The following PARN variants were observed in gnomAD, a reference collection of about 807,000 sequenced individuals.
The protein encoded by PARN is poly(A)-specific ribonuclease.
PARN carries 71 observed loss-of-function variants against 102.8 expected under a neutral mutation model. The observed-to-expected ratio is 0.69, with a 90% CI of 0.57 to 0.84. The LOEUF is 0.84. Ranked by LOEUF, PARN falls within the 40% of genes least tolerant of loss-of-function variation. PARN has a pLI of 0.00. For missense variants in PARN, 782 were observed against 760.9 expected (o/e 1.03, Z -0.33); for synonymous variants, 261 against 252.9 (o/e 1.03, Z -0.30).
chr16:14,546,247 A>G (rs918239379), intron 21 of PARN, among the ~76,000 whole-genome samples: 2 of 152,232 alleles, frequency 1.3e-5, no homozygotes, highest in Non-Finnish European at 2.9e-5. Flanking sequence ...TGTCTCTACA[A>G]TTCTAATATT....
Position 14,436,442 on chromosome 16 carries a change from C to T in PARN, c.*275G>A. The T allele has an allele frequency of 2.0e-6, 1 of 501,708 alleles. No homozygotes were observed. Among genetic ancestry groups the T allele is most frequent in the East Asian group, 3.3e-5 (1 of 30,546 alleles). 31.1% of individuals were successfully genotyped at this position (501,708 alleles called of 1,614,324 possible). ...CTGGGTCATGACAGGAAAGGCCTCACAAGAGCAACACGGAATTCACTGGTT... is the reference window on the plus strand; with the variant it reads ...CTGGGTCATGACAGGAAAGGCCTCATAAGAGCAACACGGAATTCACTGGTT... On this transcript the variant is annotated 3_prime_UTR_variant, in exon 24 of 24. Coordinates refer to ENST00000437198, the MANE Select transcript of PARN (RefSeq NM_002582.4).
At chr16:14,625,253 T>C (rs1029009732) in intron 5 of PARN, among the ~76,000 whole-genome samples, 1 of 151,346 alleles carries the variant, frequency 6.6e-6, no homozygotes, top group African/African-American at 2.4e-5. Context: ...GGCTCAGCAC[T>C]TTGGGAGGCC....
chr16:14,626,658 C>A (rs911574135), intron 5 of PARN, among the ~76,000 whole-genome samples: 1 of 151,294 alleles, frequency 6.6e-6, no homozygotes, highest in African/African-American at 2.4e-5. Flanking sequence ...GTTGCCCAAG[C>A]TGGAGTGCAG....
rs1278828973 is a variant in PARN at position 14,604,151 on chromosome 16, C to T, written c.778G>A (p.Glu260Lys). ...AATTAACATAGCCCAATTACCTGTT[C>T]TTTGGCATGTTTCTGCTGCTCTCTT... ...KRREQQKHAK[E>K]QEELNDAVGF... Residue 260 changes from glutamate to lysine, a missense_variant, in exon 11 of 24, where the codon GAA (glutamate) becomes AAA (lysine). Physicochemically the swap from Glu to Lys is moderately conservative, Grantham distance 56. Transcript: ENST00000437198. The T allele has an allele frequency of 1.9e-6, 3 of 1,592,320 alleles. No homozygotes were observed. The African/African-American group carries it at 4.0e-5, about 21-fold the overall frequency.
chr16:14,543,314 C>T (rs914263724), intron 21 of PARN, among the ~76,000 whole-genome samples: 17 of 152,102 alleles, frequency 1.1e-4, no homozygotes, highest in Non-Finnish European at 1.3e-4. Context: ...ACAAGAAATA[C>T]TAAAGTAAAT....
At position 14,439,271 on chromosome 16, in the gene PARN, C is replaced by T. The variant is rs183721706; in HGVS notation, c.1865-2499G>A. Among the ~76,000 whole-genome samples, 71 of 151,180 alleles carry T rather than the reference C, an allele frequency of 4.7e-4. 1 individual carries two copies. The highest frequency in any genetic ancestry group is 4.1e-3 in the Admixed American group (62 of 15,142). On this transcript the variant is annotated intron_variant, in intron 23 of 23. Coordinates refer to ENST00000437198, the MANE Select transcript of PARN (RefSeq NM_002582.4). The stretch of plus-strand genomic sequence containing the variant: ...CCTGTGGTCCCAGCTACCTAGGAGG[C>T]TGAGGTGGGAGGATCACTTGAGCCC...
rs1316888043 is a variant in PARN at position 14,630,174 on chromosome 16, C to G, written c.-49G>C. 1 of 1,528,544 alleles carries G rather than the reference C, an allele frequency of 6.5e-7. No individual in the cohort carries two copies. The highest frequency in any genetic ancestry group is 1.2e-5 in the South Asian group (1 of 83,148). The allele number at this position is 1,528,544 out of a possible 1,614,324, so 94.7% of individuals were successfully genotyped here. ...GCCCCACCCGGGCCCGCGCCCGCCT[C>G]AGCGGTTCTACTCGCCGAATTCCGC... On this transcript the variant is annotated 5_prime_UTR_variant, in exon 1 of 24. Coordinates refer to ENST00000437198, the MANE Select transcript of PARN (RefSeq NM_002582.4).
chr16:14,553,678 C>A (rs1010812802), intron 20 of PARN, among the ~76,000 whole-genome samples: 10 of 152,188 alleles, frequency 6.6e-5, no homozygotes, highest in African/African-American at 2.2e-4. Context: ...CCTGATCTAC[C>A]CAAACATCTG....
intron 21 of PARN, among the ~76,000 whole-genome samples, chr16:14,547,465 G>A (rs1655447869): frequency 6.6e-6 from 1 of 152,132 alleles, no homozygotes; most frequent in African/African-American, 2.4e-5. Flanking sequence ...CAGCACTTTG[G>A]GAACCCAAGG....
chr16:14,589,338 G>A (rs1345507420), intron 13 of PARN, among the ~76,000 whole-genome samples: 1 of 151,998 alleles, frequency 6.6e-6, no homozygotes, highest in Non-Finnish European at 1.5e-5. Flanking sequence ...GAGGTGGGCA[G>A]ACTTCTCTTG....
intron 5 of PARN, among the ~76,000 whole-genome samples, chr16:14,621,236 C>T (rs1477012501): frequency 1.3e-5 from 2 of 152,134 alleles, no homozygotes; most frequent in African/African-American, 4.8e-5. Context: ...ACTCTGCCCA[C>T]CTAAACATTC....
intron 10 of PARN, 31 bp downstream of exon 10, chr16:14,606,453 A>C (rs368413354): frequency 1.5e-6 from 2 of 1,352,472 alleles, no homozygotes; most frequent in Non-Finnish European, 2.1e-6. Context: ...GGATGTGTTT[A>C]ATGTTAGCCC....
chr16:14,588,065 G>A lies in PARN; in HGVS notation c.919-1704C>T, dbSNP rs566038400. Among the ~76,000 whole-genome samples, 21 of 152,320 alleles carry A rather than the reference G, an allele frequency of 1.4e-4. 1 individual carries two copies. Among genetic ancestry groups the A allele is most frequent in the Middle Eastern group, 6.8e-3 (2 of 294 alleles). On this transcript the variant is annotated intron_variant, in intron 13 of 23. Coordinates refer to ENST00000437198, the MANE Select transcript of PARN (RefSeq NM_002582.4). ...TTTATGTAACATAGAGATGTACAATGTTCTGTGGGAGTTGAGAGAAAGGAA... is the reference window on the plus strand; with the variant it reads ...TTTATGTAACATAGAGATGTACAATATTCTGTGGGAGTTGAGAGAAAGGAA...
intron 23 of PARN, among the ~76,000 whole-genome samples, chr16:14,445,309 T>G (rs1961147635): frequency 6.6e-6 from 1 of 152,164 alleles, no homozygotes; most frequent in African/African-American, 2.4e-5. Flanking sequence ...TCTGATTTCA[T>G]TAATATCCAT....
At chr16:14,596,802 T>A (rs897747114) in intron 12 of PARN, among the ~76,000 whole-genome samples, 3 of 151,554 alleles carry the variant, frequency 2.0e-5, no homozygotes, top group Non-Finnish European at 4.4e-5. Context: ...TTTTTTTTTT[T>A]TCGAGACAGG....
intron 18 of PARN, 35 bp downstream of exon 18, chr16:14,580,839 G>A (rs748861841): frequency 6.1e-6 from 8 of 1,301,104 alleles, no homozygotes; most frequent in Middle Eastern, 1.8e-4. Flanking sequence ...TCCACAGTGA[G>A]AGAACTTGGA....
intron 11 of PARN, chr16:14,601,747 A>AC (rs1283772588): frequency 6.6e-6 from 1 of 151,408 alleles, no homozygotes; most frequent in Non-Finnish European, 1.5e-5. Context: ...ACATGGCGAA[A>AC]CCCCGTCTCT....
intron 21 of PARN, among the ~76,000 whole-genome samples, chr16:14,518,623 T>C (rs1288949882): frequency 2.0e-5 from 3 of 152,072 alleles, no homozygotes; most frequent in Non-Finnish European, 4.4e-5. Context: ...TATACTTATG[T>C]TTTTATGTTA....
intron 18 of PARN, among the ~76,000 whole-genome samples, chr16:14,568,441 T>C (rs1968567488): frequency 7.0e-6 from 1 of 143,206 alleles, no homozygotes; most frequent in African/African-American, 2.5e-5. Flanking sequence ...TATGAAAAAC[T>C]TAAAAAAAAA....
Sources: allele counts gnomAD v4.1 joint callset (sites outside exome capture counted in the v4.1 genomes callset), GRCh38; gene constraint gnomAD v4.1.1; transcripts MANE v1.5; gene names NCBI Gene and HGNC (gene_info 2026-07-23, HGNC 2026-07-21).